The following ZNF674 variants were observed in gnomAD, a reference collection of about 807,000 sequenced individuals.
The protein encoded by ZNF674 is zinc finger protein 674.
In ZNF674, 2 loss-of-function variants were observed where a neutral mutation model predicts 7.0. The observed-to-expected ratio is 0.29, with a 90% CI of 0.12 to 0.90. ZNF674 has a LOEUF of 0.90. Among genes scored for constraint, ZNF674 ranks in the 40% least tolerant of loss-of-function variants. ZNF674 has a pLI of 0.57. For missense variants in ZNF674, 297 were observed against 415.5 expected, an observed-to-expected ratio of 0.71 and a Z score of 2.48; for synonymous variants, 103 against 145.2, an observed-to-expected ratio of 0.71 and a Z score of 2.09.
chrX:46,518,890 C>CTAAATAAATAAATAAATAAA (rs200920300), intron 5 of ZNF674, among the ~76,000 whole-genome samples: 3 of 99,463 alleles, frequency 3.0e-5, no homozygotes, highest in South Asian at 4.9e-4. Context: ...GACTCCGTCT[C>CTAAATAAATAAATAAATAAA]TAAATAAATA....
rs56158505 is a variant in ZNF674 at position 46,505,768 on chromosome X, T to TCACACA, written c.239-4439_239-4434dup. ...CCTGGGCTAAAAGAGCAAAACTCTGTCACACACACACACACACACACACAC... is the reference window on the plus strand; with the variant it reads ...CCTGGGCTAAAAGAGCAAAACTCTGTCACACACACACACACACACACACACACACAC... On this transcript the variant is annotated intron_variant, in intron 5 of 5. Transcript: ENST00000683375. Among the ~76,000 whole-genome samples the TCACACA allele has an allele frequency of 5.7e-3, 570 of 100,225 alleles. 4 individuals are homozygous for TCACACA. The highest frequency in any genetic ancestry group is 0.012 in the African/African-American group (316 of 27,311). The allele number at this position is 100,225 out of a possible 115,157, so 87.0% of individuals were successfully genotyped here. A position where few individuals can be genotyped will look rare whatever the true frequency, so the allele number is the denominator to read the frequency against.
At chrX:46,517,784 T>C (rs1410651768) in intron 5 of ZNF674, 3 of 111,813 alleles carry the variant, frequency 2.7e-5, no homozygotes, top group Non-Finnish European at 5.6e-5. Context: ...TTGGAACATA[T>C]ACTAAAATTG....
At chrX:46,521,204 CAAAAAA>C (rs1187228041) in intron 5 of ZNF674, among the ~76,000 whole-genome samples, 5 of 40,724 alleles carry the variant, frequency 1.2e-4, no homozygotes, top group African/African-American at 3.7e-4. Flanking sequence ...GACTCTATCT[CAAAAAA>C]AAAAAAAAAA....
intron 5 of ZNF674, among the ~76,000 whole-genome samples, chrX:46,501,662 A>ATATGTGTGTGTGTGTGTG (rs1556008912): frequency 1.3e-3 from 134 of 102,352 alleles, no homozygotes; most frequent in African/African-American, 4.4e-3. Context: ...TTGTATATAT[A>ATATGTGTGTGTGTGTGTG]TGTGTGTGTG....
intron 5 of ZNF674, among the ~76,000 whole-genome samples, chrX:46,512,843 A>G (rs971087896): frequency 8.9e-6 from 1 of 111,868 alleles, no homozygotes; most frequent in African/African-American, 3.2e-5. Flanking sequence ...CTTCTACTCA[A>G]AAAGACACCA....
chrX:46,535,824 G>A (rs1006728987), intron 3 of ZNF674, among the ~76,000 whole-genome samples: 1 of 111,803 alleles, frequency 8.9e-6, no homozygotes, highest in Non-Finnish European at 1.9e-5. Context: ...ACATCAGTAA[G>A]AAGAGACAGC....
At chrX:46,511,240 A>G (rs1941648258) in intron 5 of ZNF674, among the ~76,000 whole-genome samples, 1 of 112,334 alleles carries the variant, frequency 8.9e-6, no homozygotes, top group Non-Finnish European at 1.9e-5. Context: ...TTGCCTTTAT[A>G]AAGATAATTA....
intron 5 of ZNF674, among the ~76,000 whole-genome samples, chrX:46,527,262 CAA>C (rs555027642): frequency 4.6e-5 from 3 of 65,537 alleles, no homozygotes; most frequent in Admixed American, 1.8e-4. Context: ...GACTCCATCT[CAA>C]AAAAAAAAAA....
At position 46,536,752 on chromosome X, in the gene ZNF674, G is replaced by T. The variant is rs933857231; in HGVS notation, c.15+5321C>A. ...AGCCTGGGCAACAGAGTGAGACTCTGTCTCAAAAAAAAGGAAAAAGAAAAA... is the reference window on the plus strand; with the variant it reads ...AGCCTGGGCAACAGAGTGAGACTCTTTCTCAAAAAAAAGGAAAAAGAAAAA... On this transcript the variant is annotated intron_variant, in intron 3 of 5. Coordinates refer to ENST00000683375, the MANE Select transcript of ZNF674 (RefSeq NM_001190417.2). Among the ~76,000 whole-genome samples the T allele has an allele frequency of 4.5e-5, 5 of 110,015 alleles. No individual in the cohort carries two copies. The Admixed American group carries it at 4.9e-4, about 11-fold the overall frequency.
Position 46,528,428 on chromosome X carries a change from G to A in ZNF674, c.160C>T (p.Pro54Ser). 5.0e-6 allele frequency: 6 copies of A among 1,210,789 alleles called. No individual in the cohort carries two copies. The highest frequency in any genetic ancestry group is 6.7e-6 in the Non-Finnish European group (6 of 894,775). ...LVSVGHLVGK[P>S]DVIFRLGPGD... ...GGTCCCAACCTGAAGATCACATCTG[G>A]CTTCCCAACTAGATGCCCTGTTTAG... Residue 54 changes from proline (P) to serine (S), a missense_variant, in exon 5 of 6, where the codon CCA becomes TCA. Physicochemically the swap from Pro to Ser is moderately conservative, Grantham distance 74 (BLOSUM62 -1). Transcript: ENST00000683375.
At chrX:46,514,274 G>A (rs1941719374) in intron 5 of ZNF674, among the ~76,000 whole-genome samples, 1 of 110,859 alleles carries the variant, frequency 9.0e-6, no homozygotes, top group East Asian at 2.8e-4. Context: ...GACTTTAGGG[G>A]ACACAGAGAA....
chrX:46,510,169 T>G, intron 5 of ZNF674, among the ~76,000 whole-genome samples: 1 of 101,449 alleles, frequency 9.9e-6, no homozygotes, highest in South Asian at 5.3e-4. Context: ...GGGATAGCAT[T>G]GGGAGATATA....
At chrX:46,512,294 G>A (rs1034603721) in intron 5 of ZNF674, among the ~76,000 whole-genome samples, 2 of 109,549 alleles carry the variant, frequency 1.8e-5, no homozygotes, top group African/African-American at 6.7e-5. Flanking sequence ...CCTGGGAGGT[G>A]GCAGTTGCGG....
intron 5 of ZNF674, among the ~76,000 whole-genome samples, chrX:46,507,922 G>A (rs1039656839): frequency 9.0e-5 from 10 of 111,649 alleles, no homozygotes; most frequent in Non-Finnish European, 5.6e-5. Context: ...TCATATGCCC[G>A]TTTCATTTTC....
chrX:46,524,698 G>GA (rs566678084), intron 5 of ZNF674, among the ~76,000 whole-genome samples: 88 of 75,554 alleles, frequency 1.2e-3, no homozygotes, highest in South Asian at 3.9e-3. Flanking sequence ...AAGAAAAAAA[G>GA]AAAAAAAAAA....
At position 46,542,207 on chromosome X, in the gene ZNF674, G is replaced by A. The variant is rs1569485100; in HGVS notation, c.-29-91C>T. ...TAATAATAATTACCTTTGCACCCTG[G>A]GAAGAATCATCTAAAAATAAGGCCT... On this transcript the variant is annotated intron_variant, in intron 2 of 5. Coordinates refer to ENST00000683375, the MANE Select transcript of ZNF674 (RefSeq NM_001190417.2). 4 of 469,017 alleles carry A rather than the reference G, an allele frequency of 8.5e-6. No homozygotes were observed. In the East Asian group the frequency reaches 1.6e-4, roughly 19 times the overall value. The allele number at this position is 469,017 out of a possible 1,213,427, so 38.7% of individuals were successfully genotyped here.
chrX:46,532,235 T>C (rs1942122974), intron 3 of ZNF674, among the ~76,000 whole-genome samples: 1 of 112,037 alleles, frequency 8.9e-6, no homozygotes, highest in African/African-American at 3.2e-5. Flanking sequence ...ACCTCCTCTA[T>C]TAGGAATCTT....
At chrX:46,542,775 T>TA (rs1420227685) in intron 2 of ZNF674, among the ~76,000 whole-genome samples, 2 of 111,161 alleles carry the variant, frequency 1.8e-5, no homozygotes, top group East Asian at 5.6e-4. Context: ...GGGGACTTAG[T>TA]AAAAAAATAT....
intron 3 of ZNF674, among the ~76,000 whole-genome samples, chrX:46,536,791 G>A (rs1942207099): frequency 9.0e-6 from 1 of 111,288 alleles, no homozygotes; most frequent in South Asian, 3.7e-4. Context: ...AAAAGAAAAA[G>A]AAAGAAAACC....
Sources: gnomAD v4.1 joint callset for allele counts (sites outside exome capture counted in the v4.1 genomes callset) on GRCh38, gnomAD v4.1.1 for gene constraint, MANE v1.5 for transcripts, NCBI Gene and HGNC (gene_info 2026-07-23, HGNC 2026-07-21) for gene names.